Variants in MAP3K20 observed in about 807,000 individuals in gnomAD.
MAP3K20 encodes the protein mitogen-activated protein kinase kinase kinase 20, also known as HCCS-4.
A neutral mutation model predicts 85.7 loss-of-function variants in MAP3K20; 40 were observed. The ratio of observed to expected loss-of-function variants is 0.47; its 90% confidence interval spans 0.36 to 0.61. The LOEUF (loss-of-function observed/expected upper bound fraction) is 0.61. MAP3K20 is among the 20% of genes least tolerant of loss of function. The probability of loss-of-function intolerance (pLI) is 0.00; values close to 1 mark genes in which losing one functional copy is unlikely to be tolerated. For synonymous variants in MAP3K20, 325 were observed against 327.7 expected (o/e 0.99, Z 0.09); for missense variants, 817 against 961.7 (o/e 0.85, Z 1.99).
At chr2:173,218,623 C>T (rs983360442) in intron 11 of MAP3K20, among the ~76,000 whole-genome samples, 1 of 152,214 alleles carries the variant, frequency 6.6e-6, no homozygotes, top group African/African-American at 2.4e-5. Flanking sequence ...CCCTAGAGCA[C>T]AGCTTCTGAA....
At chr2:173,201,125 A>G (rs1043677740) in intron 8 of MAP3K20, among the ~76,000 whole-genome samples, 4 of 152,180 alleles carry the variant, frequency 2.6e-5, no homozygotes, top group Admixed American at 6.5e-5. Context: ...TCTATAGAAA[A>G]ATCAATACTT....
At chr2:173,116,331 T>C (rs559283943) in intron 2 of MAP3K20, among the ~76,000 whole-genome samples, 30 of 152,320 alleles carry the variant, frequency 2.0e-4, no homozygotes, top group African/African-American at 6.5e-4. Flanking sequence ...CAATATATTG[T>C]TACAAACTGT....
chr2:173,191,956 G>A (rs1474626838), intron 7 of MAP3K20, among the ~76,000 whole-genome samples: 2 of 152,144 alleles, frequency 1.3e-5, no homozygotes, highest in Non-Finnish European at 2.9e-5. Flanking sequence ...TTCTTTGCTG[G>A]AGGAAGGAAT....
chr2:173,139,466 C>G (rs1022534582), intron 2 of MAP3K20, among the ~76,000 whole-genome samples: 1 of 152,124 alleles, frequency 6.6e-6, no homozygotes, highest in East Asian at 1.9e-4. Context: ...TCTAACAGTG[C>G]TTGTTTGGAC....
chr2:173,098,139 A>G (rs1379408366), intron 2 of MAP3K20, among the ~76,000 whole-genome samples: 1 of 152,242 alleles, frequency 6.6e-6, no homozygotes, highest in African/African-American at 2.4e-5. Flanking sequence ...CGATGGGACC[A>G]ATACAAATAA....
chr2:173,187,482 T>G, intron 4 of MAP3K20, 76 bp from the exon 5 acceptor site: 1 of 1,294,922 alleles, frequency 7.7e-7, no homozygotes, highest in Non-Finnish European at 1.1e-6. Context: ...TTGAGTTCTT[T>G]GAAAAACTAT....
intron 1 of MAP3K20, among the ~76,000 whole-genome samples, chr2:173,085,998 G>T (rs1175794288): frequency 6.6e-6 from 1 of 151,892 alleles, no homozygotes; most frequent in Non-Finnish European, 1.5e-5. Context: ...GTTTTGCCAT[G>T]TTGACCAGGC....
At chr2:173,086,934 G>A (rs1314526406) in intron 1 of MAP3K20, among the ~76,000 whole-genome samples, 1 of 152,218 alleles carries the variant, frequency 6.6e-6, no homozygotes, top group African/African-American at 2.4e-5. Flanking sequence ...AAGAAGCCTA[G>A]GCAGCAGTTT....
intron 2 of MAP3K20, among the ~76,000 whole-genome samples, chr2:173,149,560 C>T (rs1211146849): frequency 6.6e-6 from 1 of 151,798 alleles, no homozygotes; most frequent in Non-Finnish European, 1.5e-5. Flanking sequence ...TCATTATCCT[C>T]ATTCCCCAGA....
At chr2:173,211,050 T>A (rs1345574368) in intron 10 of MAP3K20, 1 of 152,218 alleles carries the variant, frequency 6.6e-6, no homozygotes, top group Non-Finnish European at 1.5e-5. Flanking sequence ...TAAGTAATAT[T>A]TGTTTTTTGC....
chr2:173,261,777 G>T (rs922797153), intron 18 of MAP3K20, among the ~76,000 whole-genome samples: 7 of 152,180 alleles, frequency 4.6e-5, no homozygotes, highest in Non-Finnish European at 1.0e-4. Flanking sequence ...AGTACTTTGG[G>T]AGGCTGAGGT....
intron 2 of MAP3K20, among the ~76,000 whole-genome samples, chr2:173,093,299 G>GT (rs1687355201): frequency 6.6e-6 from 1 of 152,156 alleles, no homozygotes; most frequent in South Asian, 2.1e-4. Context: ...TCACTTGGTT[G>GT]TTTTTTGCCA....
chr2:173,075,767 T>C, upstream of MAP3K20: 3 of 984,962 alleles, frequency 3.0e-6, no homozygotes, highest in Non-Finnish European at 3.6e-6. Flanking sequence ...CACGCCCCGC[T>C]CGCCCGCGCG....
At chr2:173,248,704 G>C (rs913297519) in intron 16 of MAP3K20, among the ~76,000 whole-genome samples, 2 of 151,986 alleles carry the variant, frequency 1.3e-5, no homozygotes, top group African/African-American at 4.8e-5. Flanking sequence ...AGATCTCCAT[G>C]GTGTGAAAAA....
At chr2:173,142,749 T>C (rs1475888514) in intron 2 of MAP3K20, among the ~76,000 whole-genome samples, 1 of 151,732 alleles carries the variant, frequency 6.6e-6, no homozygotes, top group Non-Finnish European at 1.5e-5. Flanking sequence ...AAAAAACAAA[T>C]AGAACGAATT....
At chr2:173,099,202 C>G (rs1263284504) in intron 2 of MAP3K20, among the ~76,000 whole-genome samples, 1 of 152,102 alleles carries the variant, frequency 6.6e-6, no homozygotes, top group Non-Finnish European at 1.5e-5. Context: ...CATGAAACCT[C>G]AGGCCAATAC....
chr2:173,184,362 T>C (rs1416921178), intron 4 of MAP3K20, among the ~76,000 whole-genome samples: 1 of 152,240 alleles, frequency 6.6e-6, no homozygotes, highest in East Asian at 1.9e-4. Context: ...ATTACTTTAT[T>C]GGCACTTAGA....
At chr2:173,151,128 A>G (rs1246189799) in intron 2 of MAP3K20, among the ~76,000 whole-genome samples, 1 of 152,116 alleles carries the variant, frequency 6.6e-6, no homozygotes, top group Admixed American at 6.5e-5. Flanking sequence ...AGAACCACTC[A>G]CTTGTTATTA....
chr2:173,236,266 T>TAAAAA (rs67764486), intron 14 of MAP3K20, among the ~76,000 whole-genome samples: 3 of 64,724 alleles, frequency 4.6e-5, no homozygotes, highest in Admixed American at 2.1e-4. Flanking sequence ...AGACCCTGTC[T>TAAAAA]AAAAAAAAAA....
Sources: gnomAD v4.1 joint callset for allele counts (sites outside exome capture counted in the v4.1 genomes callset) on GRCh38, gnomAD v4.1.1 for gene constraint, MANE v1.5 for transcripts, NCBI Gene and HGNC (gene_info 2026-07-23, HGNC 2026-07-21) for gene names.